The following ATPAF2 variants were observed in gnomAD, a reference collection of about 807,000 sequenced individuals.
ATPAF2 encodes ATP synthase mitochondrial F1 complex assembly factor 2, also known as ATP12 homolog.
Under a neutral mutation model 36.6 loss-of-function variants are expected in ATPAF2, and 30 were observed. The ratio of observed to expected loss-of-function variants is 0.82; its 90% CI spans 0.61 to 1.11. The LOEUF (loss-of-function observed/expected upper bound fraction) is 1.11. Ranked by LOEUF, ATPAF2 falls within the 50% of genes most tolerant of loss-of-function variation. The pLI, the probability that ATPAF2 is intolerant of heterozygous loss-of-function variation, is 0.00. For synonymous variants in ATPAF2, 140 were observed against 152.6 expected (o/e 0.92, Z 0.61); for missense variants, 321 against 372.3 (o/e 0.86, Z 1.13).
At position 18,026,302 on chromosome 17, in the gene ATPAF2, A is replaced by G; in HGVS notation, c.422+17T>C. 1 of 1,608,472 alleles carries G rather than the reference A, an allele frequency of 6.2e-7. No individual in the cohort carries two copies. Among genetic ancestry groups the G allele is most frequent in the South Asian group, 1.1e-5 (1 of 90,972 alleles). ...TAGCCTCAATCCAAGGGGAATGCCCATCTAAATGTCCATTACCAGATGGTG... is the reference window on the plus strand; with the variant it reads ...TAGCCTCAATCCAAGGGGAATGCCCGTCTAAATGTCCATTACCAGATGGTG... On this transcript the variant is annotated intron_variant, in intron 4 of 7. Transcript: ENST00000474627.
intron 2 of ATPAF2, 64 bp from the exon 3 acceptor site, chr17:18,028,441 A>G: frequency 6.3e-7 from 1 of 1,598,276 alleles, no homozygotes. Context: ...CCATTCCTAT[A>G]TTTAGCCACT....
intron 7 of ATPAF2, among the ~76,000 whole-genome samples, chr17:18,019,187 C>CACACACACA (rs1256217214): frequency 1.5e-4 from 6 of 40,428 alleles, no homozygotes; most frequent in African/African-American, 1.8e-4. Context: ...ACACACACAC[C>CACACACACA]CCACCACCCC....
chr17:18,037,499 G>A (rs992790282), intron 1 of ATPAF2, among the ~76,000 whole-genome samples: 2 of 152,118 alleles, frequency 1.3e-5, no homozygotes, highest in African/African-American at 4.8e-5. Flanking sequence ...CCACAAAATC[G>A]CTTGAATCTG....
intron 5 of ATPAF2, 65 bp downstream of exon 5, chr17:18,024,558 CT>C (rs1433791266): frequency 1.6e-5 from 22 of 1,385,974 alleles, no homozygotes; most frequent in Non-Finnish European, 2.0e-5. Flanking sequence ...GCGTGACCCC[CT>C]GACCCCTACA....
In ATPAF2 at chr17:18,018,392, G is replaced by A. The variant is rs560521672; in HGVS notation, c.*157C>T. 7.1e-5 allele frequency: 76 copies of A among 1,065,614 alleles called. No homozygotes were observed. The highest frequency in any genetic ancestry group is 1.2e-4 in the East Asian group (5 of 41,414). The allele number at this position is 1,065,614 out of a possible 1,614,324, so 66.0% of individuals were successfully genotyped here. Reference sequence around the variant, plus strand: ...AAATCAGGCTGACCTCCGGACAGCCGTACTAGCGCACTGTGTCTCGGGGGG... The same window carrying A: ...AAATCAGGCTGACCTCCGGACAGCCATACTAGCGCACTGTGTCTCGGGGGG... On this transcript the variant is annotated 3_prime_UTR_variant, in exon 8 of 8. Coordinates refer to ENST00000474627, the MANE Select transcript of ATPAF2 (RefSeq NM_145691.4).
chr17:18,038,431 G>C (rs2044736998), intron 1 of ATPAF2, among the ~76,000 whole-genome samples: 1 of 152,228 alleles, frequency 6.6e-6, no homozygotes, highest in Non-Finnish European at 1.5e-5. Flanking sequence ...AAGTGCCCGG[G>C]ATGGAGGAAT....
In ATPAF2 at chr17:18,024,355, G is replaced by A. The variant is rs113060881; in HGVS notation, c.503+269C>T. 0.015 allele frequency among the ~76,000 whole-genome samples: 2,236 copies of A among 152,272 alleles called. 53 individuals are homozygous for A. Among genetic ancestry groups the A allele is most frequent in the African/African-American group, 0.052 (2,155 of 41,534 alleles). ...CAGAAGGTGGCCTGGGAACTCCACT[G>A]CTTCTCCAAGGACACAGAGCTGCCC... On this transcript the variant is annotated intron_variant, in intron 5 of 7. Coordinates refer to ENST00000474627, the MANE Select transcript of ATPAF2 (RefSeq NM_145691.4).
chr17:18,038,756 T>G, intron 1 of ATPAF2, 125 bp downstream of exon 1: 3 of 1,386,010 alleles, frequency 2.2e-6, no homozygotes, highest in Admixed American at 2.0e-5. Flanking sequence ...TAAAAAGACC[T>G]GACTGGCCTG....
intron 7 of ATPAF2, 140 bp from the exon 8 acceptor site, chr17:18,018,826 G>A (rs894264625): frequency 1.6e-6 from 2 of 1,254,844 alleles, no homozygotes; most frequent in African/African-American, 1.5e-5. Flanking sequence ...ATGCCTAGGG[G>A]GAGGTGGCAG....
chr17:18,033,176 C>G (rs1048904009), intron 1 of ATPAF2, among the ~76,000 whole-genome samples: 1 of 151,894 alleles, frequency 6.6e-6, no homozygotes, highest in South Asian at 2.1e-4. Context: ...CAAGAGCAGC[C>G]TGGCCAACAT....
intron 3 of ATPAF2, among the ~76,000 whole-genome samples, chr17:18,027,658 C>T (rs909801030): frequency 1.3e-4 from 20 of 152,310 alleles, no homozygotes; most frequent in African/African-American, 4.8e-4. Context: ...CTTCCCCAGG[C>T]AGCCTTGGTG....
intron 7 of ATPAF2, among the ~76,000 whole-genome samples, chr17:18,020,150 T>C (rs1242563918): frequency 6.6e-6 from 1 of 152,120 alleles, no homozygotes; most frequent in African/African-American, 2.4e-5. Context: ...CAATTCATAA[T>C]AGCAATTAAC....
At chr17:18,021,624 A>G in intron 6 of ATPAF2, 121 bp downstream of exon 6, 1 of 896,888 alleles carries the variant, frequency 1.1e-6, no homozygotes, top group Non-Finnish European at 1.9e-6. Flanking sequence ...CTCCACACTC[A>G]GCTAGCCCAG....
At chr17:18,034,930 T>C (rs543205553) in intron 1 of ATPAF2, among the ~76,000 whole-genome samples, 5 of 152,334 alleles carry the variant, frequency 3.3e-5, no homozygotes, top group Non-Finnish European at 4.4e-5. Context: ...TGATACATGA[T>C]ACAAGGTGGA....
intron 1 of ATPAF2, among the ~76,000 whole-genome samples, chr17:18,036,390 A>G (rs1458714769): frequency 6.6e-6 from 1 of 152,110 alleles, no homozygotes; most frequent in South Asian, 2.1e-4. Context: ...CCAGACTAAC[A>G]TGGTGAAACT....
At chr17:18,023,115 C>A (rs959515327) in intron 5 of ATPAF2, among the ~76,000 whole-genome samples, 1 of 130,750 alleles carries the variant, frequency 7.6e-6, no homozygotes, top group Non-Finnish European at 1.6e-5. Flanking sequence ...GGTGACAGAG[C>A]GAGACTCCTT....
chr17:18,034,787 T>C (rs2044682578), intron 1 of ATPAF2, among the ~76,000 whole-genome samples: 1 of 152,238 alleles, frequency 6.6e-6, no homozygotes, highest in Non-Finnish European at 1.5e-5. Flanking sequence ...TGAATGTTCA[T>C]AGTAGCGTTA....
At chr17:18,026,442 G>A in intron 3 of ATPAF2, 26 bp from the exon 4 acceptor site, 1 of 1,587,192 alleles carries the variant, frequency 6.3e-7, no homozygotes, top group Non-Finnish European at 8.7e-7. Context: ...AAACCACCCT[G>A]TCACTGCCTG....
intron 3 of ATPAF2, 144 bp from the exon 4 acceptor site, chr17:18,026,560 C>G: frequency 1.4e-6 from 1 of 727,296 alleles, no homozygotes; most frequent in Non-Finnish European, 2.5e-6. Context: ...ACCGGAGCAG[C>G]AGCACAGCTA....
Sources: gnomAD v4.1 joint callset for allele counts (sites outside exome capture counted in the v4.1 genomes callset) on GRCh38, gnomAD v4.1.1 for gene constraint, MANE v1.5 for transcripts, NCBI Gene and HGNC (gene_info 2026-07-23, HGNC 2026-07-21) for gene names.